Variants in KAT6B observed in about 807,000 individuals in gnomAD.
KAT6B encodes the protein lysine acetyltransferase 6B.
In KAT6B, 10 loss-of-function variants were observed where a neutral mutation model predicts 187.5. The observed-to-expected ratio is 0.05, with a 90% CI of 0.03 to 0.09. The LOEUF (loss-of-function observed/expected upper bound fraction) is 0.09. Ranked by LOEUF, KAT6B falls within the 10% of genes least tolerant of loss-of-function variation. KAT6B has a pLI of 1.00. For synonymous variants in KAT6B, 861 were observed against 926.8 expected (o/e 0.93, Z 1.29); for missense variants, 1,952 against 2,558.9 (o/e 0.76, Z 5.12).
intron 3 of KAT6B, among the ~76,000 whole-genome samples, chr10:74,945,242 T>A (rs1413209339): frequency 6.6e-6 from 1 of 152,122 alleles, no homozygotes; most frequent in African/African-American, 2.4e-5. Flanking sequence ...CTCAAAAATA[T>A]GTCAAGTGTA....
Position 74,842,875 on chromosome 10 carries a change from C to T in KAT6B, c.18C>T (p.Asn6=), listed in dbSNP as rs1841844615. The change falls in exon 3 of 18, where the codon AAC becomes AAT. Residue 6 remains asparagine (N), a synonymous_variant. Transcript: ENST00000287239. ...TGTCAACCATGGTAAAACTTGCAAA[C>T]CCACTTTATACAGAGTGGATTCTTG... MVKLA[N]PLYTEWILEA... 6.2e-7 allele frequency: 1 copy of T among 1,614,116 alleles called. No individual in the cohort carries two copies.
chr10:74,903,929 A>G (rs545746380), intron 3 of KAT6B, among the ~76,000 whole-genome samples: 35 of 152,264 alleles, frequency 2.3e-4, no homozygotes, highest in Non-Finnish European at 4.7e-4. Context: ...TTATTTGTTT[A>G]TTTACCTGAA....
chr10:74,838,409 C>CA (rs1254033795), intron 1 of KAT6B, among the ~76,000 whole-genome samples: 6 of 152,284 alleles, frequency 3.9e-5, no homozygotes, highest in African/African-American at 1.4e-4. Flanking sequence ...GAATCTATCA[C>CA]AAACCTGATT....
intron 1 of KAT6B, among the ~76,000 whole-genome samples, chr10:74,828,562 CTTTTTTTTTTTTTT>C (rs1160950109): frequency 1.1e-5 from 1 of 94,820 alleles, no homozygotes; most frequent in Non-Finnish European, 2.0e-5. Context: ...CTCATAAGTT[CTTTTTTTTTTTTTT>C]TTTTTTTTTG....
intron 17 of KAT6B, among the ~76,000 whole-genome samples, chr10:75,027,516 T>G (rs1398090499): frequency 2.0e-5 from 3 of 152,278 alleles, no homozygotes; most frequent in African/African-American, 7.2e-5. Flanking sequence ...AATTGACCAC[T>G]GATTCTAGAA....
intron 3 of KAT6B, among the ~76,000 whole-genome samples, chr10:74,919,242 A>T (rs75595613): frequency 0.13 from 19,543 of 151,630 alleles, 2,779 homozygotes; most frequent in African/African-American, 0.36. Context: ...ATATATATAT[A>T]TTTTTTTCCT....
intron 9 of KAT6B, among the ~76,000 whole-genome samples, chr10:74,978,761 A>C (rs1277704459): frequency 6.6e-6 from 1 of 152,220 alleles, no homozygotes; most frequent in Admixed American, 6.5e-5. Flanking sequence ...TGATTATTTA[A>C]TTACAGTTGT....
chr10:74,963,871 C>CCCAAAGG lies in KAT6B; in HGVS notation c.730+3796_730+3797insAAGGCCA, dbSNP rs1841275892. ...AGGCGCTGTGGCTCACGCCTGTAGT[C>CCCAAAGG]CCAGCACTTTGGGAGGCCAAGGCAG... On this transcript the variant is annotated intron_variant, in intron 4 of 17. Coordinates refer to ENST00000287239, the MANE Select transcript of KAT6B (RefSeq NM_012330.4). Among the ~76,000 whole-genome samples the CCCAAAGG allele has an allele frequency of 2.0e-5, 3 of 152,224 alleles. No individual in the cohort carries two copies. In the South Asian group the frequency reaches 6.2e-4, roughly 32 times the overall value.
intron 3 of KAT6B, among the ~76,000 whole-genome samples, chr10:74,906,407 C>A (rs558548407): frequency 2.6e-5 from 4 of 151,820 alleles, no homozygotes; most frequent in East Asian, 1.9e-4. Context: ...AAAAAAAAAT[C>A]TTTTTTTTCC....
At chr10:74,933,926 C>G (rs1021244296) in intron 3 of KAT6B, among the ~76,000 whole-genome samples, 3 of 152,198 alleles carry the variant, frequency 2.0e-5, no homozygotes, top group Admixed American at 2.0e-4. Flanking sequence ...TGGCTTATGC[C>G]TGTAATCCTA....
chr10:75,020,658 C>T lies in KAT6B; in HGVS notation c.2706C>T (p.Tyr902=), dbSNP rs1254970041. Residue 902 remains tyrosine (Y), a synonymous_variant, in exon 14 of 18, where the codon TAC becomes TAT. Transcript: ENST00000287239. ...TCTCCGATCTGGGCCGTCTCTCCTA[C>T]CTGGCATATTGGAAGAGCGTCATCT... ...KPLSDLGRLS[Y]LAYWKSVILE... is the part of the protein sequence containing the mutation. 1.9e-6 allele frequency: 3 copies of T among 1,614,128 alleles called. No individual in the cohort carries two copies. Among genetic ancestry groups the T allele is most frequent in the East Asian group, 2.2e-5 (1 of 44,894 alleles).
chr10:74,900,322 G>A (rs1846289674), intron 3 of KAT6B, among the ~76,000 whole-genome samples: 1 of 152,184 alleles, frequency 6.6e-6, no homozygotes, highest in African/African-American at 2.4e-5. Context: ...GACACCTAAT[G>A]TTCAAAACAG....
At chr10:74,856,577 G>C (rs948816544) in intron 3 of KAT6B, among the ~76,000 whole-genome samples, 36 of 152,184 alleles carry the variant, frequency 2.4e-4, no homozygotes, top group African/African-American at 8.4e-4. Flanking sequence ...CTCATGATTA[G>C]ATTCAGAGTA....
intron 3 of KAT6B, among the ~76,000 whole-genome samples, chr10:74,931,137 T>TG (rs1848840499): frequency 1.3e-5 from 2 of 152,148 alleles, no homozygotes; most frequent in African/African-American, 4.8e-5. Flanking sequence ...GAGGATTTTG[T>TG]GGGGAAGTAA....
intron 13 of KAT6B, among the ~76,000 whole-genome samples, chr10:75,018,187 C>T (rs1161492519): frequency 6.6e-6 from 1 of 152,204 alleles, no homozygotes; most frequent in African/African-American, 2.4e-5. Flanking sequence ...CAGGTGTTGG[C>T]CACTCCCTGC....
rs144782805 is a variant in KAT6B at position 74,980,216 on chromosome 10, A to T, written c.2231+877A>T. ...GTATCCAAGTTTTTGTTTGTCTTGAACTCAAGATTAGCCTGTGAACGAATA... is the reference window on the plus strand; with the variant it reads ...GTATCCAAGTTTTTGTTTGTCTTGATCTCAAGATTAGCCTGTGAACGAATA... On this transcript the variant is annotated intron_variant, in intron 10 of 17. Coordinates refer to ENST00000287239, the MANE Select transcript of KAT6B (RefSeq NM_012330.4). Among the ~76,000 whole-genome samples, 188 of 152,282 alleles carry T rather than the reference A, an allele frequency of 1.2e-3. 1 individual carries two copies. Among genetic ancestry groups the T allele is most frequent in the African/African-American group, 4.4e-3 (181 of 41,558 alleles).
chr10:75,028,116 A>G (rs1846012802), intron 17 of KAT6B, among the ~76,000 whole-genome samples: 1 of 152,204 alleles, frequency 6.6e-6, no homozygotes, highest in Non-Finnish European at 1.5e-5. Flanking sequence ...TGATTTGTAT[A>G]TAAGCTAGCA....
chr10:74,956,844 A>G (rs1241107314), intron 3 of KAT6B, among the ~76,000 whole-genome samples: 1 of 152,244 alleles, frequency 6.6e-6, no homozygotes, highest in African/African-American at 2.4e-5. Context: ...GGATGTATTC[A>G]TCTTTAGACT....
At chr10:74,880,526 G>A (rs1320817553) in intron 3 of KAT6B, among the ~76,000 whole-genome samples, 1 of 152,160 alleles carries the variant, frequency 6.6e-6, no homozygotes, top group Non-Finnish European at 1.5e-5. Context: ...GTAGTACTAT[G>A]AACATTTGTG....
Sources: gnomAD v4.1 joint callset for allele counts (sites outside exome capture counted in the v4.1 genomes callset) on GRCh38, gnomAD v4.1.1 for gene constraint, MANE v1.5 for transcripts, NCBI Gene and HGNC (gene_info 2026-07-23, HGNC 2026-07-21) for gene names.